The following VRK2 variants were observed in gnomAD, a reference collection of about 807,000 sequenced individuals.
VRK2 encodes serine/threonine-protein kinase VRK2.
VRK2 carries 60 observed loss-of-function variants against 57.6 expected under a neutral mutation model. The observed-to-expected ratio is 1.04, with a 90% confidence interval of 0.85 to 1.29. VRK2 has a LOEUF of 1.29. VRK2 is among the 50% of genes most tolerant of loss of function. The probability of loss-of-function intolerance (pLI) is 0.00; values close to 1 mark genes in which losing one functional copy is unlikely to be tolerated. For missense variants in VRK2, 705 were observed against 588.1 expected (o/e 1.20, Z -2.06); for synonymous variants, 231 against 199.2 (o/e 1.16, Z -1.35).
intron 2 of VRK2, among the ~76,000 whole-genome samples, chr2:58,060,576 C>G (rs1341705905): frequency 6.6e-6 from 1 of 151,574 alleles, no homozygotes; most frequent in African/African-American, 2.4e-5. Context: ...AATAATGGTT[C>G]TATTATCTGT....
At chr2:58,046,458 G>A, upstream of VRK2, 1 of 980,686 alleles carries the variant, frequency 1.0e-6, no homozygotes, top group Non-Finnish European at 1.2e-6. Flanking sequence ...GAAGCTCGTA[G>A]TACTCAGGTT....
At position 58,082,684 on chromosome 2, in the gene VRK2, C is replaced by T. The variant is rs377735002; in HGVS notation, c.137-1405C>T. On this transcript the variant is annotated intron_variant, in intron 2 of 12. Transcript: ENST00000340157. ...CACTCTTCCTGCAGTTTCCTTGGGA[C>T]TATTGCATGGGTAAAAATGAAATAA... Among the ~76,000 whole-genome samples the T allele has an allele frequency of 7.2e-5, 11 of 151,922 alleles. No homozygotes were observed. The East Asian group carries it at 2.1e-3, about 29-fold the overall frequency.
chr2:58,153,886 A>T (rs1462208599), intron 12 of VRK2, among the ~76,000 whole-genome samples: 1 of 152,126 alleles, frequency 6.6e-6, no homozygotes, highest in African/African-American at 2.4e-5. Context: ...GACTATTCAG[A>T]TATTTATTTC....
chr2:58,055,275 C>G (rs530451206), intron 2 of VRK2, among the ~76,000 whole-genome samples: 5 of 152,234 alleles, frequency 3.3e-5, no homozygotes, highest in Non-Finnish European at 7.4e-5. Context: ...CAAAAGCATG[C>G]CAGAAACCCA....
intron 7 of VRK2, among the ~76,000 whole-genome samples, chr2:58,092,910 G>A (rs903770195): frequency 3.9e-5 from 6 of 152,098 alleles, no homozygotes; most frequent in East Asian, 3.9e-4. Flanking sequence ...AAGAACATGC[G>A]GTGTTTGGTT....
chr2:58,052,918 C>T (rs1486189378), intron 2 of VRK2, among the ~76,000 whole-genome samples: 1 of 152,110 alleles, frequency 6.6e-6, no homozygotes, highest in Admixed American at 6.5e-5. Context: ...AAACTTTAGC[C>T]ACATTCTTTT....
intron 7 of VRK2, among the ~76,000 whole-genome samples, chr2:58,104,055 A>G (rs555827893): frequency 6.6e-6 from 1 of 151,796 alleles, no homozygotes; most frequent in East Asian, 1.9e-4. Context: ...TACAAACCAG[A>G]CGTAGAAGGA....
At chr2:58,091,526 G>A (rs899006908) in intron 7 of VRK2, among the ~76,000 whole-genome samples, 10 of 151,568 alleles carry the variant, frequency 6.6e-5, no homozygotes, top group African/African-American at 9.7e-5. Flanking sequence ...GTATTATCAC[G>A]TTTAAAGAGT....
chr2:58,101,739 G>A (rs1393394551), intron 7 of VRK2, among the ~76,000 whole-genome samples: 1 of 151,602 alleles, frequency 6.6e-6, no homozygotes, highest in Non-Finnish European at 1.5e-5. Flanking sequence ...ATCTGATTTA[G>A]GAAACTGCTG....
intron 1 of VRK2, among the ~76,000 whole-genome samples, chr2:57,994,380 G>T (rs1475892223): frequency 6.6e-6 from 1 of 152,130 alleles, no homozygotes; most frequent in Non-Finnish European, 1.5e-5. Flanking sequence ...TAAATTTAAT[G>T]ATCTATAAGT....
intron 7 of VRK2, among the ~76,000 whole-genome samples, chr2:58,113,432 T>C (rs2104425309): frequency 6.6e-6 from 1 of 152,218 alleles, no homozygotes; most frequent in South Asian, 2.1e-4. Context: ...CCATAGAGAC[T>C]TTCATGCGGG....
At chr2:58,046,227 T>C (rs1192638581), upstream of VRK2, among the ~76,000 whole-genome samples, 1 of 152,194 alleles carries the variant, frequency 6.6e-6, no homozygotes, top group Non-Finnish European at 1.5e-5. Context: ...AACCTTATAA[T>C]CTAACAACAA....
intron 11 of VRK2, among the ~76,000 whole-genome samples, chr2:58,144,048 C>CAA (rs1381985058): frequency 6.6e-6 from 1 of 151,194 alleles, no homozygotes; most frequent in East Asian, 1.9e-4. Flanking sequence ...CACACACACA[C>CAA]AATGGAATAT....
chr2:58,150,990 T>A (rs1223098402), intron 12 of VRK2, among the ~76,000 whole-genome samples: 1 of 151,716 alleles, frequency 6.6e-6, no homozygotes, highest in African/African-American at 2.4e-5. Flanking sequence ...TCAGAACACA[T>A]CCTGTATTAT....
chr2:58,135,242 G>T (rs1368795468), intron 10 of VRK2, 43 bp downstream of exon 10: 1 of 1,609,380 alleles, frequency 6.2e-7, no homozygotes, highest in East Asian at 2.2e-5. Flanking sequence ...CGATTTACAG[G>T]TTGCCACATT....
intron 9 of VRK2, among the ~76,000 whole-genome samples, chr2:58,134,014 G>T (rs1353129469): frequency 6.6e-6 from 1 of 152,096 alleles, no homozygotes; most frequent in Non-Finnish European, 1.5e-5. Flanking sequence ...ATACCCCAAA[G>T]TGTGATGCTT....
chr2:58,090,758 G>A (rs1672265771), intron 7 of VRK2, among the ~76,000 whole-genome samples: 1 of 152,168 alleles, frequency 6.6e-6, no homozygotes, highest in Non-Finnish European at 1.5e-5. Context: ...ACCTGCACGT[G>A]AATGCTTGTA....
intron 12 of VRK2, among the ~76,000 whole-genome samples, chr2:58,154,042 G>A (rs962519900): frequency 1.3e-5 from 2 of 151,978 alleles, no homozygotes; most frequent in Admixed American, 1.3e-4. Context: ...ATTTTTCCAG[G>A]AATTGGTCCA....
At chr2:58,041,663 C>T (rs954974149), upstream of VRK2, among the ~76,000 whole-genome samples, 1 of 152,130 alleles carries the variant, frequency 6.6e-6, no homozygotes, top group African/African-American at 2.4e-5. Flanking sequence ...AGAGAATCCC[C>T]TTCCCTTTCC....
Sources: allele counts gnomAD v4.1 joint callset (sites outside exome capture counted in the v4.1 genomes callset), GRCh38; gene constraint gnomAD v4.1.1; transcripts MANE v1.5; gene names NCBI Gene and HGNC (gene_info 2026-07-23, HGNC 2026-07-21).